The following IGSF21 variants were observed in gnomAD, a reference collection of about 807,000 sequenced individuals.
IGSF21 encodes immunoglobulin superfamily member 21.
A neutral mutation model predicts 46.8 loss-of-function variants in IGSF21; 28 were observed. That is an observed-to-expected ratio of 0.60 (90% CI 0.44 to 0.82). The LOEUF is 0.82. Ranked by LOEUF, IGSF21 falls within the 40% of genes least tolerant of loss-of-function variation. The pLI is 0.00. For missense variants in IGSF21, 624 were observed against 665.5 expected (o/e 0.94, Z 0.69); for synonymous variants, 284 against 273.6 (o/e 1.04, Z -0.38).
Position 18,320,935 on chromosome 1 carries a change from C to T in IGSF21, c.306-13957C>T, listed in dbSNP as rs186271887. On this transcript the variant is annotated intron_variant, in intron 3 of 9. Coordinates refer to ENST00000251296, the MANE Select transcript of IGSF21 (RefSeq NM_032880.5). ...TGAGGATATTTCACCTGGACCCTCT[C>T]CCTGCAGGAAACTGGGCTGATTGAC... Among the ~76,000 whole-genome samples the T allele has an allele frequency of 1.9e-3, 292 of 152,298 alleles. 4 individuals carry two copies. The highest frequency in any genetic ancestry group is 2.4e-3 in the Admixed American group (37 of 15,300).
intron 4 of IGSF21, among the ~76,000 whole-genome samples, chr1:18,356,163 C>T (rs183335922): frequency 2.5e-4 from 38 of 152,276 alleles, no homozygotes; most frequent in African/African-American, 7.5e-4. Flanking sequence ...AATACAATTA[C>T]GACTACTGTT....
At chr1:18,339,716 C>G (rs964554618) in intron 4 of IGSF21, among the ~76,000 whole-genome samples, 1 of 152,178 alleles carries the variant, frequency 6.6e-6, no homozygotes, top group Non-Finnish European at 1.5e-5. Context: ...CAGTGAGACC[C>G]TGTCTCCAAA....
chr1:18,287,734 T>C (rs1046471323), intron 2 of IGSF21, among the ~76,000 whole-genome samples: 1 of 152,180 alleles, frequency 6.6e-6, no homozygotes, highest in Non-Finnish European at 1.5e-5. Flanking sequence ...CCCTGCACTT[T>C]GTTTTGAAGC....
At chr1:18,116,320 G>A (rs1428421237) in intron 1 of IGSF21, among the ~76,000 whole-genome samples, 1 of 152,118 alleles carries the variant, frequency 6.6e-6, no homozygotes, top group Admixed American at 6.5e-5. Context: ...GTCTCTGTGG[G>A]GCAGCCACCT....
chr1:18,375,993 C>G (rs11260995), intron 6 of IGSF21: 34,911 of 263,424 alleles, frequency 0.13, 2,870 homozygotes, highest in East Asian at 0.32. Flanking sequence ...TCTTGTCCCT[C>G]ATGGCACTGG....
chr1:18,164,454 G>A (rs533584580), intron 1 of IGSF21, among the ~76,000 whole-genome samples: 6 of 151,136 alleles, frequency 4.0e-5, no homozygotes, highest in African/African-American at 7.3e-5. Flanking sequence ...TCTTTCAATC[G>A]GATATTGATA....
In IGSF21 at chr1:18,337,945, C is replaced by A. The variant is rs569973307; in HGVS notation, c.424+2935C>A. ...TCTCTGTGCCAGAGGAGCGTGGCTT[C>A]TGTAGCTCACCAAGGTCCTGAATGG... On this transcript the variant is annotated intron_variant, in intron 4 of 9. Transcript: ENST00000251296. The surrounding 1 kb of genome is among the most constrained non-coding windows in gnomAD (Gnocchi z 5.7). Among the ~76,000 whole-genome samples the A allele has an allele frequency of 2.4e-4, 37 of 152,254 alleles. No individual in the cohort carries two copies. Among genetic ancestry groups the A allele is most frequent in the African/African-American group, 8.9e-4 (37 of 41,548 alleles).
rs552784366 is a variant in IGSF21, at chr1:18,375,247, C to T, written c.1016-1063C>T. Reference sequence around the variant, plus strand: ...ATGTCAGCAGGCACTGGGTCTTGTTCACCACCATATCCTCAGCTCTGCTCC... The same window carrying T: ...ATGTCAGCAGGCACTGGGTCTTGTTTACCACCATATCCTCAGCTCTGCTCC... On this transcript the variant is annotated intron_variant, in intron 6 of 9. Transcript: ENST00000251296. Among the ~76,000 whole-genome samples the T allele has an allele frequency of 2.6e-5, 4 of 152,318 alleles. No homozygotes were observed. In the East Asian group the frequency reaches 7.7e-4, roughly 29 times the overall value.
chr1:18,249,165 T>C, intron 2 of IGSF21, among the ~76,000 whole-genome samples: 1 of 152,100 alleles, frequency 6.6e-6, no homozygotes, highest in Middle Eastern at 3.2e-3. Flanking sequence ...GAACCTTACC[T>C]GGAGAACAAA....
rs532984428 is a variant in IGSF21, at chr1:18,352,423, T to C, written c.425-9692T>C. 8.5e-5 allele frequency among the ~76,000 whole-genome samples: 13 copies of C among 152,218 alleles called. No homozygotes were observed. The South Asian group carries it at 2.5e-3, about 29-fold the overall frequency. On this transcript the variant is annotated intron_variant, in intron 4 of 9. Coordinates refer to ENST00000251296, the MANE Select transcript of IGSF21 (RefSeq NM_032880.5). ...CTGCCGGACCCCACCCCATCCCAGG[T>C]TGGGCAGGTCTGGAATGGGGATCAA...
In IGSF21 at chr1:18,377,002, G is replaced by A. The variant is rs141064149; in HGVS notation, c.1294+10G>A. The stretch of plus-strand genomic sequence containing the variant: ...CGGCTCATCGTGTTTGGTATGGCGC[G>A]CTCAACTGGGGACTGGGAGAACAAC... On this transcript the variant is annotated intron_variant, in intron 8 of 9. Transcript: ENST00000251296. The A allele has an allele frequency of 1.4e-5, 22 of 1,580,752 alleles. No homozygotes were observed. Among genetic ancestry groups the A allele is most frequent in the South Asian group, 4.5e-5 (4 of 88,112 alleles).
intron 4 of IGSF21, among the ~76,000 whole-genome samples, chr1:18,336,591 A>G (rs2085768612): frequency 6.6e-6 from 1 of 152,212 alleles, no homozygotes; most frequent in Non-Finnish European, 1.5e-5. Context: ...CAGTGAAGAC[A>G]CTGCGCTAAG....
At chr1:18,319,741 C>T (rs1047365414) in intron 3 of IGSF21, among the ~76,000 whole-genome samples, 1 of 152,178 alleles carries the variant, frequency 6.6e-6, no homozygotes, top group Non-Finnish European at 1.5e-5. Flanking sequence ...GGACTTTGCT[C>T]CTCAGTGAAG....
intron 1 of IGSF21, among the ~76,000 whole-genome samples, chr1:18,116,824 A>C (rs2086193488): frequency 6.6e-6 from 1 of 152,234 alleles, no homozygotes; most frequent in African/African-American, 2.4e-5. Flanking sequence ...GGATTGAAAC[A>C]ATCTTGCCAG....
chr1:18,198,421 T>C (rs1261857176), intron 1 of IGSF21, among the ~76,000 whole-genome samples: 2 of 152,148 alleles, frequency 1.3e-5, no homozygotes, highest in African/African-American at 2.4e-5. Context: ...GCAGCTGTCA[T>C]TGTAAGAACT....
At chr1:18,361,062 A>T (rs1377178559) in intron 4 of IGSF21, among the ~76,000 whole-genome samples, 1 of 152,124 alleles carries the variant, frequency 6.6e-6, no homozygotes, top group East Asian at 1.9e-4. Context: ...AGGGGTGGCC[A>T]ACAAAAATAA....
chr1:18,376,393 C>A lies in IGSF21; in HGVS notation c.1099C>A (p.Gln367Lys). 1.2e-6 allele frequency: 2 copies of A among 1,611,620 alleles called. No individual in the cohort carries two copies. The highest frequency in any genetic ancestry group is 1.7e-6 in the Non-Finnish European group (2 of 1,177,770). The change falls in exon 7 of 10, where the codon CAG becomes AAG. Residue 367 changes from glutamine to lysine, a missense_variant and splice_region_variant. Gln to Lys is a moderately conservative substitution (Grantham distance 53, BLOSUM62 1). Transcript: ENST00000251296. Reference sequence around the variant, plus strand: ...AGTGAGGATTCTGGTCCATGGGTTTCAGGTCAGCCTCTCTCTGAGCATCTG... The same window carrying A: ...AGTGAGGATTCTGGTCCATGGGTTTAAGGTCAGCCTCTCTCTGAGCATCTG... ...DTVRILVHGF[Q>K]NEVFPEPMFT...
At chr1:18,194,968 C>A (rs551976222) in intron 1 of IGSF21, among the ~76,000 whole-genome samples, 1 of 152,336 alleles carries the variant, frequency 6.6e-6, no homozygotes, top group Non-Finnish European at 1.5e-5. Flanking sequence ...GGCAAAAGAC[C>A]TTGTGCAGGG....
chr1:18,200,302 G>GC (rs1011066340), intron 1 of IGSF21, among the ~76,000 whole-genome samples: 3 of 152,186 alleles, frequency 2.0e-5, no homozygotes, highest in Admixed American at 6.5e-5. Context: ...GGTAGACAGC[G>GC]CCCCCCTTTG....
Sources: gnomAD v4.1 joint callset for allele counts (sites outside exome capture counted in the v4.1 genomes callset) on GRCh38, gnomAD v4.1.1 for gene constraint, Gnocchi (gnomAD v3.1) non-coding constraint, MANE v1.5 for transcripts, NCBI Gene and HGNC (gene_info 2026-07-23, HGNC 2026-07-21) for gene names.